CD82: variants seen among roughly 807,000 people sequenced by gnomAD.
CD82 encodes the protein CD82 antigen.
A neutral mutation model predicts 37.4 loss-of-function variants in CD82; 36 were observed. That is an observed-to-expected ratio of 0.96 (90% confidence interval 0.74 to 1.27). The LOEUF is 1.27. CD82 is among the 50% of genes most tolerant of loss of function. The pLI is 0.00. For missense variants in CD82, 340 were observed against 347.0 expected (o/e 0.98, Z 0.16); for synonymous variants, 158 against 137.4 (o/e 1.15, Z -1.05).
chr11:44,589,556 G>GCC (rs1273550734), intron 2 of CD82, among the ~76,000 whole-genome samples: 2 of 152,156 alleles, frequency 1.3e-5, no homozygotes, highest in African/African-American at 4.8e-5. Context: ...ACAGACACCA[G>GCC]CCCCAGCTCC....
chr11:44,609,747 AGAGG>A, intron 6 of CD82, among the ~76,000 whole-genome samples: 1 of 152,282 alleles, frequency 6.6e-6, no homozygotes, highest in South Asian at 2.1e-4. Context: ...GCGATGGGGC[AGAGG>A]GAGGAAGAGC....
At chr11:44,599,991 G>A (rs1438799011) in intron 3 of CD82, among the ~76,000 whole-genome samples, 167 bp from the exon 4 acceptor site, 2 of 152,160 alleles carry the variant, frequency 1.3e-5, no homozygotes, top group Non-Finnish European at 2.9e-5. Context: ...GGCTTGCTGC[G>A]ATGTGGGACC....
rs561790485 is a variant in CD82 at position 44,590,167 on chromosome 11, G to A, written c.-21+2611G>A. Among the ~76,000 whole-genome samples the A allele has an allele frequency of 3.2e-4, 49 of 152,144 alleles. No homozygotes were observed. In the South Asian group the frequency reaches 5.6e-3, roughly 17 times the overall value. ...GCCTCTTACAGACACTTGTGGGTGC[G>A]CCATTTGATCCTCTACACCAGGGGC... On this transcript the variant is annotated intron_variant, in intron 2 of 9. Transcript: ENST00000227155.
intron 1 of CD82, among the ~76,000 whole-genome samples, chr11:44,576,146 G>A (rs1207194814): frequency 1.3e-5 from 2 of 152,202 alleles, no homozygotes; most frequent in African/African-American, 4.8e-5. Flanking sequence ...AGCAGTTTAT[G>A]TTCCCAGTTA....
rs200389044 is a variant in CD82, at chr11:44,612,535, CTTTT to C, written c.337-2723_337-2720del. ...TAAATTGCAGAACTCTGTATAAGGG[CTTTT>C]TTTTTTTTTTTTTAAATATCATGCT... On this transcript the variant is annotated intron_variant, in intron 6 of 9. Transcript: ENST00000227155. Among the ~76,000 whole-genome samples the C allele has an allele frequency of 2.3e-4, 28 of 120,728 alleles. No individual in the cohort carries two copies. The South Asian group carries it at 7.3e-3, about 31-fold the overall frequency. The allele number at this position is 120,728 out of a possible 152,430, so 79.2% of individuals were successfully genotyped here. A position where few individuals can be genotyped will look rare whatever the true frequency, so the allele number is the denominator to read the frequency against.
chr11:44,587,575 G>A lies in CD82; in HGVS notation c.-21+19G>A, dbSNP rs745976984. ...GTGGAAGGTAAGTCCTGGGCTGAGA[G>A]GAGTGGTGGGTTGGAGGGGACACAC... On this transcript the variant is annotated intron_variant, in intron 2 of 9. Coordinates refer to ENST00000227155, the MANE Select transcript of CD82 (RefSeq NM_002231.4). 3 of 456,366 alleles carry A rather than the reference G, an allele frequency of 6.6e-6. No homozygotes were observed. The highest frequency in any genetic ancestry group is 4.6e-5 in the South Asian group (3 of 64,576). 28.3% of individuals were successfully genotyped at this position (456,366 alleles called of 1,614,324 possible).
In CD82 at chr11:44,618,251, C is replaced by T. The variant is rs139816598; in HGVS notation, c.528C>T (p.Cys176=). ...CTGAGGTCACCTACCCCTGTTCCTG[C>T]GAAGTCAAGGGGGAAGAGGACAACA... The part of the protein sequence containing the change: ...NRPEVTYPCS[C]EVKGEEDNSL... Residue 176 remains cysteine, a synonymous_variant, in exon 8 of 10, where the codon TGC becomes TGT. Transcript: ENST00000227155. 164 of 1,613,992 alleles carry T rather than the reference C, an allele frequency of 1.0e-4. No individual in the cohort carries two copies. The highest frequency in any genetic ancestry group is 9.2e-4 in the African/African-American group (69 of 75,010).
At chr11:44,614,269 G>A (rs1853529447) in intron 6 of CD82, among the ~76,000 whole-genome samples, 1 of 152,206 alleles carries the variant, frequency 6.6e-6, no homozygotes, top group Admixed American at 6.5e-5. Flanking sequence ...TGCTGTCTTG[G>A]GGGCCCTGTT....
intron 1 of CD82, among the ~76,000 whole-genome samples, chr11:44,583,010 G>A (rs1466021535): frequency 1.3e-5 from 2 of 152,212 alleles, no homozygotes; most frequent in African/African-American, 4.8e-5. Flanking sequence ...CCCCAGAAGG[G>A]GTGGGGGTAG....
chr11:44,599,875 G>A (rs1590341709), intron 3 of CD82, among the ~76,000 whole-genome samples: 1 of 152,220 alleles, frequency 6.6e-6, no homozygotes, highest in Non-Finnish European at 1.5e-5. Context: ...GGCAGGAAGG[G>A]TGCCCCTGGC....
At chr11:44,602,968 A>G (rs1341972315) in intron 4 of CD82, among the ~76,000 whole-genome samples, 1 of 152,220 alleles carries the variant, frequency 6.6e-6, no homozygotes, top group Non-Finnish European at 1.5e-5. Flanking sequence ...GAGTACAGCC[A>G]CAGAGGGTGG....
intron 6 of CD82, among the ~76,000 whole-genome samples, chr11:44,612,376 C>A (rs1022047011): frequency 6.6e-6 from 1 of 152,114 alleles, no homozygotes; most frequent in African/African-American, 2.4e-5. Context: ...AATACCTAGG[C>A]CATAGGTCTG....
chr11:44,603,792 T>A (rs550674805), intron 4 of CD82, among the ~76,000 whole-genome samples: 1 of 152,322 alleles, frequency 6.6e-6, no homozygotes, highest in East Asian at 1.9e-4. Flanking sequence ...CCTCCCGGAA[T>A]GGGCCTGTCC....
intron 1 of CD82, among the ~76,000 whole-genome samples, chr11:44,583,126 C>A (rs1220256843): frequency 6.6e-6 from 1 of 152,202 alleles, no homozygotes. Flanking sequence ...TGAGTCTTGG[C>A]ACCTAGCATT....
intron 1 of CD82, chr11:44,573,231 C>T (rs1852841125): frequency 6.6e-6 from 1 of 152,102 alleles, no homozygotes; most frequent in African/African-American, 2.4e-5. Flanking sequence ...TTGAATGATA[C>T]CTGGTATGAC....
At chr11:44,604,964 C>T (rs1853366712) in intron 4 of CD82, 94 bp from the exon 5 acceptor site, 1 of 1,576,766 alleles carries the variant, frequency 6.3e-7, no homozygotes, top group South Asian at 1.1e-5. Context: ...AACACCCTGG[C>T]TCCAAAGAGG....
chr11:44,593,178 C>T (rs549779412), intron 2 of CD82, among the ~76,000 whole-genome samples: 4 of 152,340 alleles, frequency 2.6e-5, no homozygotes, highest in East Asian at 1.9e-4. Context: ...TTAGCATGTC[C>T]AGAAAAGAGT....
chr11:44,579,285 G>A (rs36018758), intron 1 of CD82, among the ~76,000 whole-genome samples: 5,615 of 151,968 alleles, frequency 0.037, 142 homozygotes, highest in Middle Eastern at 0.075. Context: ...CCATTCCTTC[G>A]GAGGTCACAG....
rs1044298419 is a variant in CD82, at chr11:44,575,847, G to A, written c.-103+10111G>A. Among the ~76,000 whole-genome samples the A allele has an allele frequency of 3.9e-5, 6 of 152,106 alleles. No individual in the cohort carries two copies. In the South Asian group the frequency reaches 6.2e-4, roughly 16 times the overall value. On this transcript the variant is annotated intron_variant, in intron 1 of 9. Transcript: ENST00000227155. The stretch of plus-strand genomic sequence containing the variant: ...AGGATTATCAGCATCCCCGTTTTAC[G>A]GAAAAGAAAATTGAGTCTCTGACAA...
Sources: gnomAD v4.1 joint callset for allele counts (sites outside exome capture counted in the v4.1 genomes callset) on GRCh38, gnomAD v4.1.1 for gene constraint, MANE v1.5 for transcripts, NCBI Gene and HGNC (gene_info 2026-07-23, HGNC 2026-07-21) for gene names.